CC2D2B: variants seen among roughly 807,000 people sequenced by gnomAD.
CC2D2B encodes the protein protein CC2D2B.
CC2D2B carries 128 observed loss-of-function variants against 161.2 expected under a neutral mutation model. The observed-to-expected ratio is 0.79, with a 90% CI of 0.69 to 0.92. The LOEUF (loss-of-function observed/expected upper bound fraction) is 0.92. CC2D2B is among the 40% of genes least tolerant of loss of function. The pLI is 0.00. For synonymous variants in CC2D2B, 391 were observed against 449.8 expected (o/e 0.87, Z 1.65); for missense variants, 1,173 against 1,375.1 (o/e 0.85, Z 2.32).
chr10:95,977,720 G>A (rs2077369105), intron 17 of CC2D2B, among the ~76,000 whole-genome samples: 1 of 152,154 alleles, frequency 6.6e-6, no homozygotes, highest in Non-Finnish European at 1.5e-5. Flanking sequence ...AAAATTTGAG[G>A]ATGTTATTTA....
chr10:95,999,329 T>G (rs1358641213), intron 24 of CC2D2B, among the ~76,000 whole-genome samples: 1 of 152,212 alleles, frequency 6.6e-6, no homozygotes, highest in Non-Finnish European at 1.5e-5. Context: ...CTGCATAATA[T>G]TCTATTATAT....
rs1199875897 is a variant in CC2D2B at position 95,949,961 on chromosome 10, G to C, written c.867G>C (p.Gln289His). ...NKMEGSREIYQLDLNIVGLQF... is the reference protein window; with the variant it reads ...NKMEGSREIYHLDLNIVGLQF... ...TGGAAGGTTCAAGGGAAATATACCAGTTAGACCTCAACATTGTGGGTTTGC... is the reference window on the plus strand; with the variant it reads ...TGGAAGGTTCAAGGGAAATATACCACTTAGACCTCAACATTGTGGGTTTGC... Residue 289 changes from glutamine (Q) to histidine (H), a missense_variant, in exon 10 of 35, where the codon CAG (glutamine) becomes CAC (histidine). Transcript: ENST00000646931. The C allele has an allele frequency of 2.5e-6, 1 of 398,632 alleles. No homozygotes were observed. Among genetic ancestry groups the C allele is most frequent in the Non-Finnish European group, 4.4e-6 (1 of 225,922 alleles). 24.7% of individuals were successfully genotyped at this position (398,632 alleles called of 1,614,324 possible). A position where few individuals can be genotyped will look rare whatever the true frequency, so the allele number is the denominator to read the frequency against.
At chr10:95,970,542 A>C (rs2077090911) in intron 15 of CC2D2B, among the ~76,000 whole-genome samples, 2 of 152,186 alleles carry the variant, frequency 1.3e-5, no homozygotes, top group South Asian at 4.1e-4. Context: ...TCAGGGGACA[A>C]GACTGGCTCC....
Position 96,016,272 on chromosome 10 carries a change from T to C in CC2D2B, c.3588T>C (p.Phe1196=), listed in dbSNP as rs746068617. 1 of 1,613,288 alleles carries C rather than the reference T, an allele frequency of 6.2e-7. No homozygotes were observed. Among genetic ancestry groups the C allele is most frequent in the East Asian group, 2.2e-5 (1 of 44,868 alleles). Residue 1196 remains phenylalanine, a synonymous_variant, in exon 30 of 35, where the codon TTT becomes TTC. Coordinates refer to ENST00000646931, the MANE Select transcript of CC2D2B (RefSeq NM_001349008.3). ...TTCTCTGTAATTTCTTTCTGTATTT[T>C]GGAAAGAAGGCACTGGTCCTCTTGG... ...AILLCNFFLY[F]GKKALVLLGT...
chr10:96,011,487 G>T (rs537388892), intron 26 of CC2D2B, among the ~76,000 whole-genome samples: 12 of 152,138 alleles, frequency 7.9e-5, no homozygotes, highest in African/African-American at 2.9e-4. Flanking sequence ...TGAATGATAC[G>T]ATCTATATCA....
chr10:95,921,924 A>C, intron 2 of CC2D2B, 92 bp from the exon 3 acceptor site: 1 of 680,568 alleles, frequency 1.5e-6, no homozygotes, highest in Non-Finnish European at 2.4e-6. Flanking sequence ...GTGCACATGT[A>C]CCCTAGGACT....
chr10:95,922,616 T>C (rs1302397861), intron 3 of CC2D2B, among the ~76,000 whole-genome samples: 1 of 152,304 alleles, frequency 6.6e-6, no homozygotes, highest in East Asian at 1.9e-4. Flanking sequence ...CAAACTTCTA[T>C]GTAACCTTTA....
chr10:95,978,035 C>A (rs2077381090), intron 17 of CC2D2B, among the ~76,000 whole-genome samples: 1 of 152,022 alleles, frequency 6.6e-6, no homozygotes, highest in East Asian at 1.9e-4. Flanking sequence ...ATACGTAATA[C>A]TACTGAATCA....
intron 22 of CC2D2B, among the ~76,000 whole-genome samples, chr10:95,993,484 T>A (rs1037658652): frequency 6.6e-6 from 1 of 152,202 alleles, no homozygotes; most frequent in East Asian, 1.9e-4. Context: ...ATTCTTCCTA[T>A]GAAAAACAAA....
chr10:95,959,490 G>T (rs183744695), intron 11 of CC2D2B, among the ~76,000 whole-genome samples: 1 of 152,076 alleles, frequency 6.6e-6, no homozygotes, highest in Admixed American at 6.5e-5. Flanking sequence ...AGAAAAAGAG[G>T]CTACATTTTC....
At chr10:96,011,022 T>A (rs920503125) in intron 26 of CC2D2B, among the ~76,000 whole-genome samples, 1 of 152,324 alleles carries the variant, frequency 6.6e-6, no homozygotes, top group African/African-American at 2.4e-5. Context: ...TACAGTGTCA[T>A]AGTAGTACAT....
chr10:95,954,690 A>T (rs2141371321), intron 10 of CC2D2B, among the ~76,000 whole-genome samples: 1 of 152,220 alleles, frequency 6.6e-6, no homozygotes, highest in South Asian at 2.1e-4. Flanking sequence ...TTTTGAAAGA[A>T]ATTTGATCCT....
intron 24 of CC2D2B, among the ~76,000 whole-genome samples, chr10:95,998,578 G>T (rs2078327427): frequency 6.6e-6 from 1 of 152,014 alleles, no homozygotes; most frequent in African/African-American, 2.4e-5. Context: ...TTATTTTAAG[G>T]AATTGGATCA....
At chr10:95,970,458 G>A (rs951358271) in intron 15 of CC2D2B, among the ~76,000 whole-genome samples, 7 of 152,116 alleles carry the variant, frequency 4.6e-5, no homozygotes, top group Admixed American at 2.6e-4. Context: ...TAGCTGCTCC[G>A]TTTAAAAACG....
chr10:95,940,558 G>T (rs189073796), intron 9 of CC2D2B, among the ~76,000 whole-genome samples: 249 of 151,986 alleles, frequency 1.6e-3, no homozygotes, highest in African/African-American at 5.7e-3. Context: ...CATCTGGAAG[G>T]TACTTTCTAT....
At chr10:96,015,714 A>G (rs934069631) in intron 29 of CC2D2B, among the ~76,000 whole-genome samples, 1 of 152,126 alleles carries the variant, frequency 6.6e-6, no homozygotes, top group East Asian at 1.9e-4. Context: ...CGTTTCAGTC[A>G]CTTTTCCTGA....
chr10:95,921,938 A>G, intron 2 of CC2D2B, 78 bp from the exon 3 acceptor site: 6 of 785,438 alleles, frequency 7.6e-6, no homozygotes, highest in Non-Finnish European at 6.1e-6. Flanking sequence ...TAGGACTTAA[A>G]GTATAATAAT....
At chr10:95,954,558 G>T in intron 10 of CC2D2B, among the ~76,000 whole-genome samples, 1 of 152,024 alleles carries the variant, frequency 6.6e-6, no homozygotes, top group East Asian at 1.9e-4. Context: ...TTCTTTTCTA[G>T]AATGTTTTTG....
rs753866384 is a variant in CC2D2B at position 95,947,113 on chromosome 10, A to ATTTTT, written c.802-2770_802-2766dup. On this transcript the variant is annotated intron_variant, in intron 9 of 34. Transcript: ENST00000646931. ...TATATATATATATATATATATATAT[A>ATTTTT]TTTTTTTTTTTTTTTTTGAGACAAA... is the stretch of plus-strand genomic sequence containing the variant. Among the ~76,000 whole-genome samples, 6 of 48,386 alleles carry ATTTTT rather than the reference A, an allele frequency of 1.2e-4. 1 individual carries two copies. Among genetic ancestry groups the ATTTTT allele is most frequent in the African/African-American group, 5.6e-4 (6 of 10,720 alleles). The allele number at this position is 48,386 out of a possible 152,430, so 31.7% of individuals were successfully genotyped here.
Sources: gnomAD v4.1 joint callset for allele counts (sites outside exome capture counted in the v4.1 genomes callset) on GRCh38, gnomAD v4.1.1 for gene constraint, MANE v1.5 for transcripts, NCBI Gene and HGNC (gene_info 2026-07-23, HGNC 2026-07-21) for gene names.